TCF4: variants seen among roughly 807,000 people sequenced by gnomAD.
TCF4 encodes the protein SL3-3 enhancer factor 2.
A neutral mutation model predicts 82.1 loss-of-function variants in TCF4; 3 were observed. That is an observed-to-expected ratio of 0.04 (90% CI 0.02 to 0.09). The LOEUF is 0.09. Among genes scored for constraint, TCF4 ranks in the 10% least tolerant of loss-of-function variants. The pLI is 1.00. For synonymous variants in TCF4, 276 were observed against 309.6 expected, an observed-to-expected ratio of 0.89 and a Z score of 1.14; for missense variants, 518 against 852.7, an observed-to-expected ratio of 0.61 and a Z score of 4.89.
At chr18:55,250,015 T>C (rs780729091) in intron 15 of TCF4, among the ~76,000 whole-genome samples, 11 of 152,206 alleles carry the variant, frequency 7.2e-5, no homozygotes, top group African/African-American at 1.2e-4. Context: ...TCAGGATTAA[T>C]CATGGAGGTC....
chr18:55,632,176 C>T (rs1423233226), intron 1 of TCF4, among the ~76,000 whole-genome samples: 2 of 152,112 alleles, frequency 1.3e-5, no homozygotes, highest in Admixed American at 6.5e-5. Context: ...CTAGCTGGGA[C>T]TACAGGCGCC....
At chr18:55,383,097 TTC>T (rs1447849109) in intron 6 of TCF4, among the ~76,000 whole-genome samples, 1 of 152,224 alleles carries the variant, frequency 6.6e-6, no homozygotes, top group Non-Finnish European at 1.5e-5. Context: ...TGCCTGAAAT[TTC>T]TCTATCTACT....
chr18:55,454,057 C>T (rs1017793370), intron 5 of TCF4, among the ~76,000 whole-genome samples: 2 of 152,018 alleles, frequency 1.3e-5, no homozygotes, highest in South Asian at 2.1e-4. Flanking sequence ...GAAACAGGAT[C>T]TCGCTATGTT....
At chr18:55,544,336 C>T (rs2097187841) in intron 3 of TCF4, among the ~76,000 whole-genome samples, 1 of 152,162 alleles carries the variant, frequency 6.6e-6, no homozygotes, top group African/African-American at 2.4e-5. Flanking sequence ...ATTCAATCCT[C>T]ACAACATACT....
At chr18:55,431,325 G>C (rs2095184913) in intron 5 of TCF4, among the ~76,000 whole-genome samples, 1 of 152,118 alleles carries the variant, frequency 6.6e-6, no homozygotes. Flanking sequence ...TGTTGTCCAG[G>C]CTAGAGTGCA....
In TCF4 at chr18:55,246,066, C is replaced by A. The variant is rs183701394; in HGVS notation, c.1350+8431G>T. Reference sequence around the variant, plus strand: ...TTTTAAATGCACAGTTGTGCCTATTCCAAATTATGGATAGTTTAAGATTAT... The same window carrying A: ...TTTTAAATGCACAGTTGTGCCTATTACAAATTATGGATAGTTTAAGATTAT... On this transcript the variant is annotated intron_variant, in intron 15 of 19. Coordinates refer to ENST00000354452, the MANE Select transcript of TCF4 (RefSeq NM_001083962.2). 2.4e-3 allele frequency among the ~76,000 whole-genome samples: 365 copies of A among 152,150 alleles called. 3 individuals carry two copies. Among genetic ancestry groups the A allele is most frequent in the Non-Finnish European group, 2.4e-3 (165 of 68,014 alleles).
intron 3 of TCF4, among the ~76,000 whole-genome samples, chr18:55,466,966 C>T (rs1197983896): frequency 6.6e-6 from 1 of 152,142 alleles, no homozygotes; most frequent in Non-Finnish European, 1.5e-5. Flanking sequence ...CCATCTTTCC[C>T]ACTTCCTGAC....
intron 2 of TCF4, among the ~76,000 whole-genome samples, chr18:55,620,097 C>G (rs2097716184): frequency 6.6e-6 from 1 of 152,126 alleles, no homozygotes; most frequent in Non-Finnish European, 1.5e-5. Context: ...TGCATTCATT[C>G]TTCTTCCTGC....
At chr18:55,474,543 G>A (rs1479705218) in intron 3 of TCF4, among the ~76,000 whole-genome samples, 1 of 151,992 alleles carries the variant, frequency 6.6e-6, no homozygotes, top group Non-Finnish European at 1.5e-5. Context: ...AATGATTCCA[G>A]CAACTCTTTC....
intron 6 of TCF4, 69 bp from the exon 7 acceptor site, chr18:55,351,072 T>G (rs1367657410): frequency 6.3e-7 from 1 of 1,592,982 alleles, no homozygotes; most frequent in South Asian, 1.1e-5. Flanking sequence ...CCCAACTGAT[T>G]GTTAGTACTT....
intron 5 of TCF4, among the ~76,000 whole-genome samples, chr18:55,430,829 G>T (rs904520551): frequency 6.6e-6 from 1 of 152,172 alleles, no homozygotes; most frequent in African/African-American, 2.4e-5. Context: ...AAAGTTGCTG[G>T]AATATATCAT....
intron 9 of TCF4, among the ~76,000 whole-genome samples, chr18:55,278,437 A>G (rs1414584923): frequency 6.6e-6 from 1 of 152,364 alleles, no homozygotes; most frequent in South Asian, 2.1e-4. Context: ...ACATTAGAAA[A>G]TAAGTGCCAC....
At chr18:55,574,864 G>A (rs2097513172) in intron 3 of TCF4, among the ~76,000 whole-genome samples, 1 of 151,148 alleles carries the variant, frequency 6.6e-6, no homozygotes, top group African/African-American at 2.4e-5. Context: ...GTAAATTAAA[G>A]GTAATAATTC....
At chr18:55,278,669 T>A (rs1019058245) in intron 9 of TCF4, among the ~76,000 whole-genome samples, 1 of 152,098 alleles carries the variant, frequency 6.6e-6, no homozygotes, top group African/African-American at 2.4e-5. Context: ...CCCAGGTTCA[T>A]GCCATTCTTC....
At chr18:55,508,109 C>A (rs1270896888) in intron 3 of TCF4, among the ~76,000 whole-genome samples, 1 of 152,058 alleles carries the variant, frequency 6.6e-6, no homozygotes, top group African/African-American at 2.4e-5. Flanking sequence ...GGGAAATGTA[C>A]CCCCAACACA....
intron 5 of TCF4, among the ~76,000 whole-genome samples, chr18:55,439,890 T>C (rs937544398): frequency 1.3e-5 from 2 of 151,804 alleles, no homozygotes; most frequent in East Asian, 3.9e-4. Flanking sequence ...GCCTGGCTAA[T>C]TTTTTGTATT....
chr18:55,253,075 C>G (rs1261483164), intron 15 of TCF4, among the ~76,000 whole-genome samples: 1 of 152,114 alleles, frequency 6.6e-6, no homozygotes, highest in Non-Finnish European at 1.5e-5. Context: ...CTTTGGCATT[C>G]AAAAATATCT....
chr18:55,461,604 A>G, intron 4 of TCF4, among the ~76,000 whole-genome samples: 1 of 152,176 alleles, frequency 6.6e-6, no homozygotes, highest in South Asian at 2.1e-4. Flanking sequence ...TATTATAGTT[A>G]CTATTGTGGT....
At chr18:55,598,909 G>C (rs532541703) in intron 2 of TCF4, among the ~76,000 whole-genome samples, 1 of 152,296 alleles carries the variant, frequency 6.6e-6, no homozygotes, top group South Asian at 2.1e-4. Context: ...AGTAAAAATG[G>C]AAGCAATCAC....
Sources: gnomAD v4.1 joint callset for allele counts (sites outside exome capture counted in the v4.1 genomes callset) on GRCh38, gnomAD v4.1.1 for gene constraint, MANE v1.5 for transcripts, NCBI Gene and HGNC (gene_info 2026-07-23, HGNC 2026-07-21) for gene names.